ATP8B4: variants seen among roughly 807,000 people sequenced by gnomAD.
ATP8B4 encodes probable phospholipid-transporting ATPase IM.
In ATP8B4, 133 loss-of-function variants were observed where a neutral mutation model predicts 145.6. The observed-to-expected ratio is 0.91, with a 90% CI of 0.79 to 1.05. The LOEUF (loss-of-function observed/expected upper bound fraction) is 1.05. ATP8B4 is among the 50% of genes least tolerant of loss of function. ATP8B4 has a pLI of 0.00. For missense variants in ATP8B4, 1,458 were observed against 1,425.2 expected, an observed-to-expected ratio of 1.02 and a Z score of -0.37; for synonymous variants, 507 against 492.9, an observed-to-expected ratio of 1.03 and a Z score of -0.38.
At chr15:50,178,251 T>C (rs1331951739) in intron 1 of ATP8B4, among the ~76,000 whole-genome samples, 2 of 152,102 alleles carry the variant, frequency 1.3e-5, no homozygotes, top group Non-Finnish European at 2.9e-5. Flanking sequence ...TGTCAGAGAA[T>C]GGGAGAAGTG....
At chr15:50,111,556 G>C (rs913707709) in intron 1 of ATP8B4, among the ~76,000 whole-genome samples, 3 of 152,180 alleles carry the variant, frequency 2.0e-5, no homozygotes, top group Non-Finnish European at 4.4e-5. Context: ...AGCCATCCAA[G>C]AGAACAGCCC....
chr15:49,984,416 G>A (rs2046409972), intron 10 of ATP8B4, among the ~76,000 whole-genome samples: 1 of 152,150 alleles, frequency 6.6e-6, no homozygotes, highest in South Asian at 2.1e-4. Flanking sequence ...AAGCATAGGT[G>A]GGATTATAGG....
At chr15:49,990,543 C>G (rs967950564) in intron 9 of ATP8B4, among the ~76,000 whole-genome samples, 1 of 152,130 alleles carries the variant, frequency 6.6e-6, no homozygotes, top group Admixed American at 6.6e-5. Flanking sequence ...CAGAAATGCT[C>G]TAGACCCATA....
chr15:49,947,323 T>C (rs1221388780), intron 14 of ATP8B4, among the ~76,000 whole-genome samples: 11 of 150,332 alleles, frequency 7.3e-5, no homozygotes, highest in African/African-American at 1.2e-4. Context: ...CCCAGCTACT[T>C]GGGAGGCTGA....
At chr15:50,169,659 A>G (rs2044643353) in intron 1 of ATP8B4, among the ~76,000 whole-genome samples, 1 of 152,222 alleles carries the variant, frequency 6.6e-6, no homozygotes, top group African/African-American at 2.4e-5. Flanking sequence ...TTCACCAGCA[A>G]TGAATCCAAA....
chr15:49,902,138 C>T (rs1430336064), intron 20 of ATP8B4: 3 of 156,634 alleles, frequency 1.9e-5, no homozygotes, highest in Non-Finnish European at 4.2e-5. Flanking sequence ...ATAAGGCAAG[C>T]TGACAAACCT....
intron 1 of ATP8B4, among the ~76,000 whole-genome samples, chr15:50,171,278 T>C (rs766277985): frequency 1.3e-5 from 2 of 152,194 alleles, no homozygotes; most frequent in Non-Finnish European, 2.9e-5. Flanking sequence ...CACAAGGAAC[T>C]TCCTCCAAGA....
chr15:50,114,770 A>G (rs951856804), intron 1 of ATP8B4, among the ~76,000 whole-genome samples: 6 of 152,220 alleles, frequency 3.9e-5, no homozygotes, highest in African/African-American at 1.2e-4. Flanking sequence ...TGCTGCCACA[A>G]AGTTAGTACT....
intron 8 of ATP8B4, among the ~76,000 whole-genome samples, chr15:49,997,059 C>A (rs1056409070): frequency 6.6e-6 from 1 of 152,106 alleles, no homozygotes; most frequent in Admixed American, 6.6e-5. Context: ...TCAGACATCA[C>A]GCATGAGTTA....
chr15:49,987,431 C>G lies in ATP8B4; in HGVS notation c.708G>C (p.Leu236=). The part of the protein sequence containing the change: ...NEKIILRGCI[L]RNTSWCFGMV... ...TTCCAAAACACCAGCTGGTATTTCTCAGGATGCAGCCTCTCAGGATTATCT... is the reference window on the plus strand; with the variant it reads ...TTCCAAAACACCAGCTGGTATTTCTGAGGATGCAGCCTCTCAGGATTATCT... Residue 236 remains leucine, a synonymous_variant, in exon 10 of 28, where the codon CTG becomes CTC. Transcript: ENST00000284509. The G allele has an allele frequency of 6.2e-7, 1 of 1,613,860 alleles. No homozygotes were observed. Among genetic ancestry groups the G allele is most frequent in the South Asian group, 1.1e-5 (1 of 91,076 alleles).
chr15:49,878,255 G>C (rs1039057396), intron 24 of ATP8B4, among the ~76,000 whole-genome samples: 1 of 152,208 alleles, frequency 6.6e-6, no homozygotes, highest in Non-Finnish European at 1.5e-5. Context: ...GCTGAGAAAT[G>C]AATGTGCTTA....
At chr15:49,941,750 C>G (rs2042177688) in intron 14 of ATP8B4, among the ~76,000 whole-genome samples, 2 of 152,080 alleles carry the variant, frequency 1.3e-5, no homozygotes, top group Non-Finnish European at 2.9e-5. Context: ...ATATTTTTAT[C>G]AAAGCACAAT....
At chr15:49,870,274 C>CT (rs1224416253) in intron 25 of ATP8B4, among the ~76,000 whole-genome samples, 1 of 152,000 alleles carries the variant, frequency 6.6e-6, no homozygotes. Context: ...TTATTATCCC[C>CT]TTTTGTTAAA....
intron 9 of ATP8B4, among the ~76,000 whole-genome samples, chr15:49,988,152 C>T (rs952891643): frequency 1.3e-5 from 2 of 152,180 alleles, no homozygotes; most frequent in African/African-American, 4.8e-5. Context: ...CTCTCAAAGG[C>T]ACCATATAAC....
At chr15:50,149,348 T>TAGA (rs2044317805) in intron 1 of ATP8B4, among the ~76,000 whole-genome samples, 2 of 152,130 alleles carry the variant, frequency 1.3e-5, no homozygotes, top group Admixed American at 1.3e-4. Context: ...TAGAGTCTGA[T>TAGA]CTGGTGATAG....
chr15:50,180,956 A>G (rs1238744423), intron 1 of ATP8B4, among the ~76,000 whole-genome samples: 1 of 152,202 alleles, frequency 6.6e-6, no homozygotes, highest in African/African-American at 2.4e-5. Flanking sequence ...CCTAGAGAAT[A>G]GGAGGACAGC....
intron 6 of ATP8B4, among the ~76,000 whole-genome samples, chr15:50,037,646 G>T (rs2050940269): frequency 6.6e-6 from 1 of 152,184 alleles, no homozygotes; most frequent in African/African-American, 2.4e-5. Flanking sequence ...ACCATATTGT[G>T]GCGGCAATGA....
chr15:49,973,479 C>A (rs909834128), intron 12 of ATP8B4, among the ~76,000 whole-genome samples: 4 of 152,168 alleles, frequency 2.6e-5, no homozygotes, highest in Non-Finnish European at 5.9e-5. Context: ...TTTGATGTGG[C>A]TTCACTTTGC....
intron 23 of ATP8B4, among the ~76,000 whole-genome samples, chr15:49,893,708 T>G (rs2037077379): frequency 6.6e-6 from 1 of 152,170 alleles, no homozygotes; most frequent in African/African-American, 2.4e-5. Context: ...AGAAAAAGTT[T>G]TAGAGATCTG....
Sources: gnomAD v4.1 joint callset for allele counts (sites outside exome capture counted in the v4.1 genomes callset) on GRCh38, gnomAD v4.1.1 for gene constraint, MANE v1.5 for transcripts, NCBI Gene and HGNC (gene_info 2026-07-23, HGNC 2026-07-21) for gene names.